The following NPC1 variants were observed in gnomAD, a reference collection of about 807,000 sequenced individuals.
NPC1 encodes the protein NPC intracellular cholesterol transporter 1.
In NPC1, 85 loss-of-function variants were observed where a neutral mutation model predicts 140.4. The observed-to-expected ratio is 0.61, with a 90% CI of 0.51 to 0.72. The LOEUF is 0.72. NPC1 is among the 30% of genes least tolerant of loss of function. The pLI, the probability that NPC1 is intolerant of heterozygous loss-of-function variation, is 0.00. For missense variants in NPC1, 1,504 were observed against 1,623.8 expected, an observed-to-expected ratio of 0.93 and a Z score of 1.27; for synonymous variants, 656 against 624.8, an observed-to-expected ratio of 1.05 and a Z score of -0.74.
chr18:23,544,706 G>A (rs1258588787), intron 12 of NPC1, among the ~76,000 whole-genome samples, 180 bp from the exon 13 acceptor site: 1 of 152,226 alleles, frequency 6.6e-6, no homozygotes, highest in Non-Finnish European at 1.5e-5. Flanking sequence ...CACATGTTAT[G>A]AGTTTGCATT....
downstream of NPC1, chr18:23,518,940 A>G (rs2058076662): frequency 6.2e-7 from 1 of 1,614,216 alleles, no homozygotes; most frequent in Non-Finnish European, 8.5e-7. Flanking sequence ...CGGACCTCCA[A>G]CAGCACAGGA....
chr18:23,542,023 TCA>T (rs2058719443), intron 14 of NPC1, among the ~76,000 whole-genome samples: 1 of 152,146 alleles, frequency 6.6e-6, no homozygotes, highest in Non-Finnish European at 1.5e-5. Flanking sequence ...AAATCTAGAT[TCA>T]CAGCTTTGCT....
At position 23,524,250 on chromosome 18, in the gene NPC1, C is replaced by T; in HGVS notation, c.164-1344G>A. 4 of 1,566,710 alleles carry T rather than the reference C, an allele frequency of 2.6e-6. No homozygotes were observed. In the East Asian group the frequency reaches 6.7e-5, roughly 26 times the overall value. Reference sequence around the variant, plus strand: ...CTCAGAGAGTGGTCCTGAAGTCCTCCTCCGGGCAGCTGTGAATAACACTCC... The same window carrying T: ...CTCAGAGAGTGGTCCTGAAGTCCTCTTCCGGGCAGCTGTGAATAACACTCC... On this transcript the variant is annotated intron_variant, in intron 1 of 1. Transcript: ENST00000590723.
Position 23,538,660 on chromosome 18 carries a change from C to A in NPC1, c.2923G>T (p.Ala975Ser). 1 of 1,614,094 alleles carries A rather than the reference C, an allele frequency of 6.2e-7. No homozygotes were observed. Among genetic ancestry groups the A allele is most frequent in the Non-Finnish European group, 8.5e-7 (1 of 1,180,040 alleles). The change falls in exon 20 of 25, where the codon GCC becomes TCC. Residue 975 changes from alanine to serine, a missense_variant. By Grantham distance (99) the Ala-to-Ser change is moderately conservative. Transcript: ENST00000269228. The part of the protein sequence containing the change: ...QFCNASVVDP[A>S]CVRCRPLTPE... ...GTCAGAGGCCTGCAGCGAACGCAGG[C>A]AGGGTCAACCACTGGCGGAGACATG... is the stretch of plus-strand genomic sequence containing the variant.
rs959953748 is a variant in NPC1, at chr18:23,554,685, A to G, written c.1553+73T>C. 1.5e-5 allele frequency: 17 copies of G among 1,140,882 alleles called. No homozygotes were observed. The African/African-American group carries it at 2.4e-4, about 16-fold the overall frequency. The allele number at this position is 1,140,882 out of a possible 1,614,324, so 70.7% of individuals were successfully genotyped here. A position where few individuals can be genotyped will look rare whatever the true frequency, so the allele number is the denominator to read the frequency against. On this transcript the variant is annotated intron_variant, in intron 9 of 24. Transcript: ENST00000269228. ...CTCACCTCTGGGTTATGCTCATAAA[A>G]CAAGCTTTTGCCCATGTACCCTAAG... is the stretch of plus-strand genomic sequence containing the variant.
At chr18:23,529,042 T>C, downstream of NPC1, 1 of 1,399,320 alleles carries the variant, frequency 7.1e-7, no homozygotes, top group Admixed American at 2.4e-5. Flanking sequence ...CAGGAAAAAG[T>C]TGTATCTAAG....
intron 8 of NPC1, among the ~76,000 whole-genome samples, chr18:23,555,563 A>T (rs1258514276): frequency 1.3e-5 from 2 of 152,274 alleles, no homozygotes; most frequent in Admixed American, 6.5e-5. Context: ...TCTTGTAGAC[A>T]TGAGCAATGT....
At chr18:23,520,873 G>A (rs919487358), downstream of NPC1, among the ~76,000 whole-genome samples, 1 of 152,132 alleles carries the variant, frequency 6.6e-6, no homozygotes, top group Non-Finnish European at 1.5e-5. Flanking sequence ...GCACCACCAC[G>A]CCCAGCTAAT....
At chr18:23,520,463 AG>A (rs1359170009), downstream of NPC1, 14 of 685,512 alleles carry the variant, frequency 2.0e-5, no homozygotes, top group African/African-American at 3.6e-5. Context: ...CATTTGTTCC[AG>A]TTTTGTTGTT....
rs56394541 is a variant in NPC1 at position 23,544,953 on chromosome 18, G to A, written c.1947+7C>T. 7.1e-5 allele frequency: 80 copies of A among 1,121,898 alleles called. 2 individuals are homozygous for A. The highest frequency in any genetic ancestry group is 6.9e-4 in the South Asian group (47 of 67,650). The allele number at this position is 1,121,898 out of a possible 1,614,324, so 69.5% of individuals were successfully genotyped here. Reference sequence around the variant, plus strand: ...TCTAGAACATACACCACCCCCCCCCGGCTTACCAGAAGCCTGCGACAGCTT... The same window carrying A: ...TCTAGAACATACACCACCCCCCCCCAGCTTACCAGAAGCCTGCGACAGCTT... On this transcript the variant is annotated splice_region_variant and intron_variant, in intron 12 of 24. Transcript: ENST00000269228.
intron 24 of NPC1, 126 bp downstream of exon 24, chr18:23,533,229 T>C (rs980360373): frequency 2.0e-5 from 21 of 1,067,362 alleles, no homozygotes; most frequent in Non-Finnish European, 2.8e-5. Flanking sequence ...TTTTACTCAG[T>C]ATCATTTATC....
In NPC1 at chr18:23,561,530, A is replaced by G; in HGVS notation, c.464-3T>C. 6.2e-7 allele frequency: 1 copy of G among 1,613,926 alleles called. No individual in the cohort carries two copies. ...ATCCCGGCAGGCATTGTACATTGCT[A>G]GAAGAGGAAACCCAAAGGAAAAAGG... On this transcript the variant is annotated splice_polypyrimidine_tract_variant and splice_region_variant and intron_variant, in intron 4 of 24. Transcript: ENST00000269228.
In NPC1 at chr18:23,556,606, C is replaced by T. The variant is rs763990769; in HGVS notation, c.963G>A (p.Ala321=). ...CTGCGCTGACAGGGTCACAGCAGGACGCCTCTCCTGGAAGAACGGGAGAGG... is the reference window on the plus strand; with the variant it reads ...CTGCGCTGACAGGGTCACAGCAGGATGCCTCTCCTGGAAGAACGGGAGAGG... The part of the protein sequence containing the change: ...FSVNASDKGE[A]SCCDPVSAAF... The change falls in exon 8 of 25, where the codon GCG becomes GCA. Residue 321 remains alanine, a synonymous_variant. Transcript: ENST00000269228. 3.1e-5 allele frequency: 50 copies of T among 1,613,884 alleles called. No homozygotes were observed. The highest frequency in any genetic ancestry group is 2.7e-4 in the Admixed American group (16 of 59,980).
At chr18:23,578,781 G>C (rs886464904) in intron 1 of NPC1, among the ~76,000 whole-genome samples, 3 of 152,178 alleles carry the variant, frequency 2.0e-5, no homozygotes, top group African/African-American at 7.2e-5. Flanking sequence ...TCCTCTATTT[G>C]TATTTCCTCC....
At chr18:23,531,329 A>T (rs1398590929), downstream of NPC1, 13 of 337,458 alleles carry the variant, frequency 3.9e-5, no homozygotes, top group East Asian at 8.4e-4. Flanking sequence ...ATACAACCTA[A>T]GACATCATCT....
chr18:23,568,198 G>C (rs186485777), intron 4 of NPC1, among the ~76,000 whole-genome samples: 1 of 151,976 alleles, frequency 6.6e-6, no homozygotes, highest in Non-Finnish European at 1.5e-5. Flanking sequence ...ATACATGCAG[G>C]CTTCTGTTTC....
At chr18:23,561,724 G>A (rs1178898930) in intron 4 of NPC1, among the ~76,000 whole-genome samples, 197 bp from the exon 5 acceptor site, 1 of 152,106 alleles carries the variant, frequency 6.6e-6, no homozygotes, top group Non-Finnish European at 1.5e-5. Flanking sequence ...ATAATATGGA[G>A]GCCCGATTCC....
intron 1 of NPC1, among the ~76,000 whole-genome samples, chr18:23,575,769 CAAAAAAAA>C (rs35922440): frequency 0.041 from 1,425 of 35,134 alleles, 35 homozygotes; most frequent in African/African-American, 0.11. Flanking sequence ...CAGAGAAGAC[CAAAAAAAA>C]AAAAAAAAAA....
chr18:23,562,473 C>G (rs942636539), intron 4 of NPC1, among the ~76,000 whole-genome samples: 1 of 151,816 alleles, frequency 6.6e-6, no homozygotes, highest in Admixed American at 6.6e-5. Context: ...CTAGAAACTT[C>G]CCAGGATCTT....
Sources: gnomAD v4.1 joint callset for allele counts (sites outside exome capture counted in the v4.1 genomes callset) on GRCh38, gnomAD v4.1.1 for gene constraint, MANE v1.5 for transcripts, NCBI Gene and HGNC (gene_info 2026-07-23, HGNC 2026-07-21) for gene names.